MRPS25: variants seen among roughly 807,000 people sequenced by gnomAD.
The protein encoded by MRPS25 is mitochondrial ribosomal protein S25, also known as small ribosomal subunit protein mS25.
A neutral mutation model predicts 17.3 loss-of-function variants in MRPS25; 15 were observed. That is an observed-to-expected ratio of 0.87 (90% CI 0.58 to 1.34). MRPS25 has a LOEUF of 1.34. Ranked by LOEUF, MRPS25 falls within the 40% of genes most tolerant of loss-of-function variation. The pLI, the probability that MRPS25 is intolerant of heterozygous loss-of-function variation, is 0.00. For missense variants in MRPS25, 225 were observed against 218.6 expected, an observed-to-expected ratio of 1.03 and a Z score of -0.19; for synonymous variants, 94 against 83.3, an observed-to-expected ratio of 1.13 and a Z score of -0.70.
chr3:15,062,071 G>A (rs369161187), intron 1 of MRPS25, among the ~76,000 whole-genome samples: 7 of 147,550 alleles, frequency 4.7e-5, no homozygotes, highest in South Asian at 2.2e-4. Context: ...CAGGCCAGCC[G>A]CCCCGTCTGG....
Position 15,052,561 on chromosome 3 carries a change from G to A in MRPS25, c.402C>T (p.Tyr134=), listed in dbSNP as rs764019117. The change falls in exon 4 of 4, where the codon TAC becomes TAT. Residue 134 remains tyrosine (Y), a synonymous_variant. Transcript: ENST00000253686. ...CTTCACAGATGCACTCCCGCAGGCA[G>A]TACTTTCGAGGGCCGAAGTTGGCTG... is the stretch of plus-strand genomic sequence containing the variant. ...SHPANFGPRK[Y]CLRECICEVE... is the part of the protein sequence containing the mutation. 6.2e-7 allele frequency: 1 copy of A among 1,614,068 alleles called. No homozygotes were observed. The highest frequency in any genetic ancestry group is 1.3e-5 in the African/African-American group (1 of 74,922).
At chr3:15,058,337 CCA>C (rs1559328835) in intron 2 of MRPS25, among the ~76,000 whole-genome samples, 1 of 152,146 alleles carries the variant, frequency 6.6e-6, no homozygotes, top group Non-Finnish European at 1.5e-5. Context: ...CTACAGGCGC[CCA>C]CCACCACGCC....
intron 1 of MRPS25, among the ~76,000 whole-genome samples, chr3:15,063,069 T>C (rs1478712138): frequency 6.6e-6 from 1 of 151,286 alleles, no homozygotes; most frequent in Admixed American, 6.6e-5. Flanking sequence ...AAAAGAAAGT[T>C]AATAATGGCA....
chr3:15,043,087 G>T (rs959772422), downstream of MRPS25: 3 of 1,392,358 alleles, frequency 2.2e-6, no homozygotes, highest in South Asian at 3.1e-5. Context: ...TGGTATTTTG[G>T]TATGTGCAAA....
In MRPS25 at chr3:15,052,543, G is replaced by A; in HGVS notation, c.420C>T (p.Ile140=). 1 of 1,614,178 alleles carries A rather than the reference G, an allele frequency of 6.2e-7. No homozygotes were observed. Among genetic ancestry groups the A allele is most frequent in the South Asian group, 1.1e-5 (1 of 91,080 alleles). ...AGGGCACCTGCCCTTCCACTTCACA[G>A]ATGCACTCCCGCAGGCAGTACTTTC... ...GPRKYCLREC[I]CEVEGQVPCP... is the part of the protein sequence containing the mutation. Residue 140 remains isoleucine, a synonymous_variant, in exon 4 of 4, where the codon ATC becomes ATT. Transcript: ENST00000253686.
At chr3:15,043,272 C>G (rs1444904556), downstream of MRPS25, 5 of 285,438 alleles carry the variant, frequency 1.8e-5, no homozygotes, top group Non-Finnish European at 3.2e-5. Flanking sequence ...TAGAAATTCT[C>G]AAAGGGCAAA....
intron 2 of MRPS25, 138 bp from the exon 3 acceptor site, chr3:15,053,605 T>A: frequency 1.1e-6 from 1 of 939,450 alleles, no homozygotes; most frequent in Non-Finnish European, 1.7e-6. Flanking sequence ...ACATAATCTG[T>A]AATACTACCC....
chr3:15,053,003 T>C (rs951311260), intron 3 of MRPS25, among the ~76,000 whole-genome samples: 2 of 152,078 alleles, frequency 1.3e-5, no homozygotes, highest in African/African-American at 4.8e-5. Context: ...TCTCCTCTCA[T>C]TCATGGAAAG....
chr3:15,043,251 C>A, downstream of MRPS25: 1 of 329,370 alleles, frequency 3.0e-6, no homozygotes, highest in East Asian at 4.8e-5. Context: ...TCTTTTAACT[C>A]AATTTGTATT....
intron 3 of MRPS25, among the ~76,000 whole-genome samples, 176 bp from the exon 4 acceptor site, chr3:15,052,809 C>T (rs1296073465): frequency 2.6e-5 from 4 of 152,118 alleles, no homozygotes; most frequent in Non-Finnish European, 5.9e-5. Context: ...CTGAGGAGAG[C>T]GCTGAAAGAA....
chr3:15,057,844 C>T (rs993373363), intron 2 of MRPS25, among the ~76,000 whole-genome samples: 1 of 152,230 alleles, frequency 6.6e-6, no homozygotes, highest in Admixed American at 6.5e-5. Flanking sequence ...CACAGGGCCA[C>T]CCTTCCAACC....
At chr3:15,060,901 G>C (rs2042744635) in intron 1 of MRPS25, among the ~76,000 whole-genome samples, 3 of 134,796 alleles carry the variant, frequency 2.2e-5, no homozygotes. Flanking sequence ...TAAATAAATA[G>C]TTAAGCCTTG....
intron 1 of MRPS25, among the ~76,000 whole-genome samples, chr3:15,063,629 T>C (rs1304903833): frequency 6.6e-6 from 1 of 152,138 alleles, no homozygotes; most frequent in Non-Finnish European, 1.5e-5. Flanking sequence ...CTAGAGGACA[T>C]TAAAATATCT....
chr3:15,050,095 A>G lies in MRPS25; in HGVS notation c.*2346T>C, dbSNP rs1044723216. 3.6e-6 allele frequency: 5 copies of G among 1,407,074 alleles called. No individual in the cohort carries two copies. The African/African-American group carries it at 7.6e-5, about 21-fold the overall frequency. 87.2% of individuals were successfully genotyped at this position (1,407,074 alleles called of 1,614,324 possible). On this transcript the variant is annotated 3_prime_UTR_variant, in exon 4 of 4. Coordinates refer to ENST00000253686, the MANE Select transcript of MRPS25 (RefSeq NM_022497.5). ...TAAACCCATCTTTCATCACTACTAAACAAAATAGGGAAAGACAAAGGTTTA... is the reference window on the plus strand; with the variant it reads ...TAAACCCATCTTTCATCACTACTAAGCAAAATAGGGAAAGACAAAGGTTTA...
rs752614551 is a variant in MRPS25, at chr3:15,052,434, G to A, written c.*7C>T. On this transcript the variant is annotated 3_prime_UTR_variant, in exon 4 of 4. Coordinates refer to ENST00000253686, the MANE Select transcript of MRPS25 (RefSeq NM_022497.5). Reference sequence around the variant, plus strand: ...ACCATCACCCCAGCCCACAGTGACCGTGGGCCTTAGTCCTGGGCATCGGCT... The same window carrying A: ...ACCATCACCCCAGCCCACAGTGACCATGGGCCTTAGTCCTGGGCATCGGCT... 1.6e-5 allele frequency: 26 copies of A among 1,609,358 alleles called. No individual in the cohort carries two copies. The highest frequency in any genetic ancestry group is 4.4e-5 in the South Asian group (4 of 90,978).
At chr3:15,061,566 T>C (rs965304347) in intron 1 of MRPS25, among the ~76,000 whole-genome samples, 10 of 152,168 alleles carry the variant, frequency 6.6e-5, no homozygotes, top group South Asian at 2.1e-4. Context: ...CGGCTCGCTA[T>C]AGCCTCCACC....
chr3:15,052,867 G>A (rs1204259790), intron 3 of MRPS25, among the ~76,000 whole-genome samples: 1 of 152,180 alleles, frequency 6.6e-6, no homozygotes, highest in African/African-American at 2.4e-5. Context: ...TACACAGTGC[G>A]GTCAGCCTAT....
chr3:15,046,680 C>T (rs1179629010), downstream of MRPS25: 2 of 152,372 alleles, frequency 1.3e-5, no homozygotes, highest in East Asian at 3.9e-4. Flanking sequence ...GCAATGGGGT[C>T]ATAGGTAACA....
At chr3:15,043,797 G>A (rs1317287416), downstream of MRPS25, 1 of 152,148 alleles carries the variant, frequency 6.6e-6, no homozygotes, top group Non-Finnish European at 1.5e-5. Flanking sequence ...TAGAACCTGG[G>A]GTTCTCCTTT....
Sources: allele counts gnomAD v4.1 joint callset (sites outside exome capture counted in the v4.1 genomes callset), GRCh38; gene constraint gnomAD v4.1.1; transcripts MANE v1.5; gene names NCBI Gene and HGNC (gene_info 2026-07-23, HGNC 2026-07-21).